The following GRAMD1B variants were observed in gnomAD, a reference collection of about 807,000 sequenced individuals.
The protein encoded by GRAMD1B is GRAM domain containing 1B.
GRAMD1B carries 37 observed loss-of-function variants against 99.7 expected under a neutral mutation model. The ratio of observed to expected loss-of-function variants is 0.37; its 90% confidence interval spans 0.29 to 0.49. The LOEUF (loss-of-function observed/expected upper bound fraction) is 0.49. Among genes scored for constraint, GRAMD1B ranks in the 20% least tolerant of loss-of-function variants. GRAMD1B has a pLI of 0.98. For synonymous variants in GRAMD1B, 427 were observed against 387.6 expected, an observed-to-expected ratio of 1.10 and a Z score of -1.19; for missense variants, 888 against 1,009.2, an observed-to-expected ratio of 0.88 and a Z score of 1.63.
chr11:123,575,880 T>G (rs1391090105), intron 2 of GRAMD1B, among the ~76,000 whole-genome samples: 1 of 152,226 alleles, frequency 6.6e-6, no homozygotes, highest in Non-Finnish European at 1.5e-5. Flanking sequence ...ATTGTTAGTA[T>G]TAGAAATGAG....
In GRAMD1B at chr11:123,438,429, A is replaced by G. The variant is rs560683956; in HGVS notation, c.374+7263A>G. 2.3e-4 allele frequency among the ~76,000 whole-genome samples: 35 copies of G among 152,224 alleles called. No individual in the cohort carries two copies. In the South Asian group the frequency reaches 6.9e-3, roughly 30 times the overall value. The stretch of plus-strand genomic sequence containing the variant: ...CCTGAAGCAAGGTAGGAATGTGGAC[A>G]GTCGGGAGGCCATTGAGGAGATGTG... On this transcript the variant is annotated intron_variant, in intron 1 of 19. Transcript: ENST00000635736.
Position 123,613,467 on chromosome 11 carries a change from C to G in GRAMD1B, c.2036C>G (p.Ala679Gly), listed in dbSNP as rs62641672. The part of the protein sequence containing the change: ...DYFRHLESEL[A>G]KTESTYLAEM... ...TTGTCTCTGATAGAGAGCGAGCTGG[C>G]CAAAACGGAGAGCACTTATTTGGCT... is the stretch of plus-strand genomic sequence containing the variant. Residue 679 changes from alanine (A) to glycine (G), a missense_variant, in exon 16 of 20, where the codon GCC (alanine) becomes GGC (glycine). By Grantham distance (60) the Ala-to-Gly change is moderately conservative. Transcript: ENST00000635736. The G allele has an allele frequency of 1.6e-4, 261 of 1,609,974 alleles. No individual in the cohort carries two copies. The highest frequency in any genetic ancestry group is 1.9e-4 in the Non-Finnish European group (228 of 1,178,238).
intron 2 of GRAMD1B, among the ~76,000 whole-genome samples, chr11:123,547,611 C>T (rs530785935): frequency 1.6e-4 from 24 of 152,346 alleles, no homozygotes; most frequent in African/African-American, 5.3e-4. Context: ...TTTGCTTCCC[C>T]TCTCTCTTCC....
chr11:123,399,662 T>G (rs1206340819), intron 1 of GRAMD1B, among the ~76,000 whole-genome samples: 33 of 152,146 alleles, frequency 2.2e-4, no homozygotes, highest in African/African-American at 2.4e-5. Flanking sequence ...CAGGCTGGAG[T>G]GCAGTGGCAT....
At chr11:123,593,927 G>A (rs1302031704) in intron 4 of GRAMD1B, among the ~76,000 whole-genome samples, 155 bp from the exon 5 acceptor site, 1 of 152,118 alleles carries the variant, frequency 6.6e-6, no homozygotes, top group Non-Finnish European at 1.5e-5. Context: ...CCACACCGAG[G>A]CGCCGTTCCT....
intron 6 of GRAMD1B, 42 bp downstream of exon 6, chr11:123,594,880 A>G (rs367833997): frequency 3.0e-6 from 3 of 1,009,414 alleles, no homozygotes; most frequent in African/African-American, 3.2e-5. Context: ...CTCCTTGGCT[A>G]TGGCTGAGCA....
intron 1 of GRAMD1B, among the ~76,000 whole-genome samples, chr11:123,387,790 A>G (rs1947121706): frequency 6.6e-6 from 1 of 151,398 alleles, no homozygotes; most frequent in African/African-American, 2.4e-5. Flanking sequence ...CTTTCAAATA[A>G]CAAGGCCCAC....
At chr11:123,374,450 G>A (rs373235132) in intron 1 of GRAMD1B, among the ~76,000 whole-genome samples, 1 of 152,114 alleles carries the variant, frequency 6.6e-6, no homozygotes, top group African/African-American at 2.4e-5. Context: ...GTATCATTAA[G>A]GTCCAGAGAT....
chr11:123,463,120 T>A lies in GRAMD1B; in HGVS notation c.375-17696T>A, dbSNP rs191811070. Among the ~76,000 whole-genome samples the A allele has an allele frequency of 1.2e-4, 19 of 152,324 alleles. No individual in the cohort carries two copies. In the East Asian group the frequency reaches 3.7e-3, roughly 29 times the overall value. On this transcript the variant is annotated intron_variant, in intron 1 of 19. Coordinates refer to ENST00000635736, the MANE Select transcript of GRAMD1B (RefSeq NM_001387025.1). ...GCCTCCTAGGTTCAAGTGATTCTCA[T>A]GCCTCAGCCTCCCGAGTAGCTGGAA... is the stretch of plus-strand genomic sequence containing the variant.
intron 2 of GRAMD1B, among the ~76,000 whole-genome samples, chr11:123,499,783 C>A (rs939682866): frequency 6.6e-6 from 1 of 152,162 alleles, no homozygotes; most frequent in Non-Finnish European, 1.5e-5. Flanking sequence ...CACAAAAGCT[C>A]TCTTGTGTCT....
chr11:123,430,488 G>A lies in GRAMD1B; in HGVS notation c.-305G>A. On this transcript the variant is annotated 5_prime_UTR_variant, in exon 1 of 20. Coordinates refer to ENST00000635736, the MANE Select transcript of GRAMD1B (RefSeq NM_001387025.1). ...CGCAGCGGAAGAAAAACAAGCGGGC[G>A]CGCGAGGGGAGCCCCAGGAGGGCTG... The A allele has an allele frequency of 2.7e-6, 1 of 373,818 alleles. No individual in the cohort carries two copies. The highest frequency in any genetic ancestry group is 4.8e-6 in the Non-Finnish European group (1 of 209,286). The allele number at this position is 373,818 out of a possible 1,614,324, so 23.2% of individuals were successfully genotyped here. A position where few individuals can be genotyped will look rare whatever the true frequency, so the allele number is the denominator to read the frequency against.
intron 1 of GRAMD1B, among the ~76,000 whole-genome samples, chr11:123,361,333 C>T (rs533415858): frequency 3.3e-5 from 5 of 152,276 alleles, no homozygotes; most frequent in South Asian, 2.1e-4. Context: ...CTCCAACTGT[C>T]GGCTGCTTTT....
chr11:123,583,180 GTGTT>G (rs562009305), intron 3 of GRAMD1B, among the ~76,000 whole-genome samples: 74 of 151,934 alleles, frequency 4.9e-4, no homozygotes, highest in African/African-American at 1.7e-3. Context: ...TGGTGTGTAT[GTGTT>G]TGTGTATATG....
chr11:123,595,078 T>C (rs1018597859), intron 6 of GRAMD1B, among the ~76,000 whole-genome samples: 1 of 152,196 alleles, frequency 6.6e-6, no homozygotes, highest in African/African-American at 2.4e-5. Context: ...ACATTTGCTT[T>C]TGTCAAATGC....
At chr11:123,585,726 T>G (rs1442094830) in intron 4 of GRAMD1B, among the ~76,000 whole-genome samples, 1 of 152,158 alleles carries the variant, frequency 6.6e-6, no homozygotes, top group Non-Finnish European at 1.5e-5. Context: ...CCCTTGCACC[T>G]TTTTAAGCAG....
chr11:123,545,589 C>T (rs1944973016), intron 2 of GRAMD1B, among the ~76,000 whole-genome samples: 2 of 152,204 alleles, frequency 1.3e-5, no homozygotes, highest in African/African-American at 4.8e-5. Context: ...GTAAGTTTCT[C>T]AGCCAATCTC....
chr11:123,487,601 T>G (rs1397487414), intron 2 of GRAMD1B, among the ~76,000 whole-genome samples: 1 of 152,128 alleles, frequency 6.6e-6, no homozygotes, highest in Admixed American at 6.5e-5. Flanking sequence ...TACGTTTTTT[T>G]GTTTGTTTGA....
At chr11:123,529,851 G>C (rs1943172055) in intron 2 of GRAMD1B, among the ~76,000 whole-genome samples, 1 of 152,134 alleles carries the variant, frequency 6.6e-6, no homozygotes, top group Admixed American at 6.5e-5. Flanking sequence ...AGACTGTAGT[G>C]ACATCTGTCT....
intron 2 of GRAMD1B, among the ~76,000 whole-genome samples, chr11:123,508,519 C>G (rs1296723419): frequency 1.3e-5 from 2 of 152,128 alleles, no homozygotes; most frequent in African/African-American, 4.8e-5. Flanking sequence ...TGAGAGTTGT[C>G]ACAATTATTG....
Sources: gnomAD v4.1 joint callset for allele counts (sites outside exome capture counted in the v4.1 genomes callset) on GRCh38, gnomAD v4.1.1 for gene constraint, MANE v1.5 for transcripts, NCBI Gene and HGNC (gene_info 2026-07-23, HGNC 2026-07-21) for gene names.